Variants in ELAVL4 observed in about 807,000 individuals in gnomAD.
ELAVL4 encodes ELAV like RNA binding protein 4, also known as ELAV-like protein 4.
In ELAVL4, 1 loss-of-function variant was observed where a neutral mutation model predicts 35.6. That is an observed-to-expected ratio of 0.03 (90% CI 0.01 to 0.13). The LOEUF is 0.13. ELAVL4 is among the 10% of genes least tolerant of loss of function. The pLI is 1.00. For missense variants in ELAVL4, 267 were observed against 464.9 expected (o/e 0.57, Z 3.91); for synonymous variants, 156 against 171.0 (o/e 0.91, Z 0.69).
chr1:50,089,079 T>C (rs918450517), intron 1 of ELAVL4, among the ~76,000 whole-genome samples: 2 of 152,246 alleles, frequency 1.3e-5, no homozygotes, highest in African/African-American at 4.8e-5. Flanking sequence ...GTGAATGAGC[T>C]CCTCAAATAT....
At chr1:50,195,222 G>A (rs1557865411) in intron 4 of ELAVL4, among the ~76,000 whole-genome samples, 1 of 152,234 alleles carries the variant, frequency 6.6e-6, no homozygotes, top group Non-Finnish European at 1.5e-5. Flanking sequence ...CTAGCTACAT[G>A]TGGAGGACAC....
intron 1 of ELAVL4, among the ~76,000 whole-genome samples, chr1:50,076,522 C>G (rs572114825): frequency 1.3e-5 from 2 of 152,226 alleles, no homozygotes; most frequent in South Asian, 4.2e-4. Context: ...TAGGTACTAT[C>G]TCAGTTTCAG....
upstream of ELAVL4, among the ~76,000 whole-genome samples, chr1:50,107,395 C>A (rs1477193518): frequency 6.6e-6 from 1 of 152,020 alleles, no homozygotes; most frequent in African/African-American, 2.4e-5. Context: ...TGCAGTGTAC[C>A]CAACACATAT....
chr1:50,177,085 A>G lies in ELAVL4; in HGVS notation c.251-4A>G. Reference sequence around the variant, plus strand: ...TTCTCTCTCTCTTTTTAATATTTCCACAGGACAGAGTTTAGGGTATGGATT... The same window carrying G: ...TTCTCTCTCTCTTTTTAATATTTCCGCAGGACAGAGTTTAGGGTATGGATT... On this transcript the variant is annotated splice_region_variant and splice_polypyrimidine_tract_variant and intron_variant, in intron 2 of 6. Transcript: ENST00000371824. 1 of 1,610,670 alleles carries G rather than the reference A, an allele frequency of 6.2e-7. No homozygotes were observed. Among genetic ancestry groups the G allele is most frequent in the African/African-American group, 1.3e-5 (1 of 74,888 alleles).
At position 50,121,322 on chromosome 1, in the gene ELAVL4, T is replaced by C. The variant is rs530679669; in HGVS notation, c.9+12124T>C. 7.2e-5 allele frequency among the ~76,000 whole-genome samples: 11 copies of C among 152,156 alleles called. No individual in the cohort carries two copies. The South Asian group carries it at 2.3e-3, about 32-fold the overall frequency. On this transcript the variant is annotated intron_variant, in intron 1 of 6. Transcript: ENST00000371824. The stretch of plus-strand genomic sequence containing the variant: ...GAATTGTATCCTTGATACACTCTAT[T>C]GGACAGGATAATAATATTAGTAAGT...
chr1:50,159,994 C>A (rs1676499671), intron 2 of ELAVL4, among the ~76,000 whole-genome samples: 1 of 152,190 alleles, frequency 6.6e-6, no homozygotes, highest in South Asian at 2.1e-4. Flanking sequence ...AGTCCCATCT[C>A]ACACTAGGCA....
At chr1:50,086,185 T>C (rs1665232509) in intron 1 of ELAVL4, among the ~76,000 whole-genome samples, 1 of 152,128 alleles carries the variant, frequency 6.6e-6, no homozygotes, top group Non-Finnish European at 1.5e-5. Context: ...TCAATATTTT[T>C]CCTTGTTAAT....
At chr1:50,055,522 A>G (rs553190075) in intron 1 of ELAVL4, among the ~76,000 whole-genome samples, 150 of 151,928 alleles carry the variant, frequency 9.9e-4, no homozygotes, top group African/African-American at 3.5e-3. Context: ...GATGGTCTTG[A>G]TCTCCTGACC....
intron 1 of ELAVL4, among the ~76,000 whole-genome samples, chr1:50,127,088 A>AC (rs1670060858): frequency 1.3e-5 from 2 of 152,110 alleles, no homozygotes; most frequent in Non-Finnish European, 2.9e-5. Context: ...CATTCCTCTT[A>AC]CGATTATCTC....
chr1:50,147,767 T>C (rs1334918838), intron 2 of ELAVL4, among the ~76,000 whole-genome samples: 1 of 152,120 alleles, frequency 6.6e-6, no homozygotes, highest in Non-Finnish European at 1.5e-5. Flanking sequence ...GAGTTCTAAA[T>C]ATCCAGTGGG....
intron 2 of ELAVL4, among the ~76,000 whole-genome samples, chr1:50,149,512 A>G (rs965632910): frequency 6.0e-5 from 9 of 150,056 alleles, no homozygotes; most frequent in African/African-American, 9.8e-5. Flanking sequence ...TTTTTACTTC[A>G]TGTCACTCTC....
At chr1:50,178,235 G>A (rs1234205074) in intron 3 of ELAVL4, among the ~76,000 whole-genome samples, 3 of 152,184 alleles carry the variant, frequency 2.0e-5, no homozygotes, top group African/African-American at 7.2e-5. Flanking sequence ...CAGGTCTGAC[G>A]CAAAGTAGGA....
chr1:50,080,211 TG>T (rs1193951192), intron 1 of ELAVL4, among the ~76,000 whole-genome samples: 1 of 152,220 alleles, frequency 6.6e-6, no homozygotes, highest in Non-Finnish European at 1.5e-5. Context: ...AAATCAGTAC[TG>T]GCACTAGCAT....
intron 3 of ELAVL4, chr1:50,181,413 G>A (rs1680998622): frequency 6.6e-6 from 1 of 152,376 alleles, no homozygotes; most frequent in Non-Finnish European, 1.5e-5. Context: ...TCCAGGCTCT[G>A]TGCTAGGTCC....
intron 2 of ELAVL4, among the ~76,000 whole-genome samples, chr1:50,163,235 G>A (rs1169002326): frequency 6.6e-6 from 1 of 152,128 alleles, no homozygotes; most frequent in African/African-American, 2.4e-5. Flanking sequence ...CCTCCAGAAA[G>A]CCCTCTCTCA....
At chr1:50,199,946 A>G (rs1644302141) in intron 6 of ELAVL4, among the ~76,000 whole-genome samples, 1 of 152,204 alleles carries the variant, frequency 6.6e-6, no homozygotes, top group African/African-American at 2.4e-5. Context: ...TTCTAAACCT[A>G]ATACAAAAGC....
In ELAVL4 at chr1:50,173,272, T is replaced by C. The variant is rs535627643; in HGVS notation, c.251-3817T>C. ...GCCATGTCATAGTAGGAGGAGACAT[T>C]GTGTATTTGTGTGTGTGCCTATGTG... On this transcript the variant is annotated intron_variant, in intron 2 of 6. Transcript: ENST00000371824. Among the ~76,000 whole-genome samples, 40 of 152,298 alleles carry C rather than the reference T, an allele frequency of 2.6e-4. No homozygotes were observed. The South Asian group carries it at 5.0e-3, about 19-fold the overall frequency.
At chr1:50,129,742 A>C (rs948366991) in intron 1 of ELAVL4, among the ~76,000 whole-genome samples, 2 of 152,074 alleles carry the variant, frequency 1.3e-5, no homozygotes, top group African/African-American at 4.8e-5. Context: ...ATACTTTTCT[A>C]TTTCAGAAAT....
At chr1:50,049,967 T>C (rs138429756) in intron 1 of ELAVL4, among the ~76,000 whole-genome samples, 4 of 152,352 alleles carry the variant, frequency 2.6e-5, no homozygotes, top group Admixed American at 1.3e-4. Flanking sequence ...CTAATTCCTC[T>C]ACTTACTGTG....
Sources: allele counts gnomAD v4.1 joint callset (sites outside exome capture counted in the v4.1 genomes callset), GRCh38; gene constraint gnomAD v4.1.1; transcripts MANE v1.5; gene names NCBI Gene and HGNC (gene_info 2026-07-23, HGNC 2026-07-21).